Variants in UBE2L3 observed in about 807,000 individuals in gnomAD.
UBE2L3 encodes the protein ubiquitin conjugating enzyme E2 L3, also known as ubiquitin-conjugating enzyme E2 L3.
A neutral mutation model predicts 17.8 loss-of-function variants in UBE2L3; 1 was observed. The ratio of observed to expected loss-of-function variants is 0.06; its 90% CI spans 0.02 to 0.27. The LOEUF is 0.27. Among genes scored for constraint, UBE2L3 ranks in the 10% least tolerant of loss-of-function variants. The probability of loss-of-function intolerance (pLI) is 1.00; values close to 1 mark genes in which losing one functional copy is unlikely to be tolerated. For missense variants in UBE2L3, 40 were observed against 192.6 expected (o/e 0.21, Z 4.69); for synonymous variants, 44 against 68.5 (o/e 0.64, Z 1.76).
intron 3 of UBE2L3, among the ~76,000 whole-genome samples, chr22:21,617,637 A>C (rs1370421288): frequency 6.6e-6 from 1 of 152,142 alleles, no homozygotes; most frequent in East Asian, 1.9e-4. Context: ...TGGGTCATGG[A>C]AGAGACCAAG....
Position 21,623,209 on chromosome 22 carries a change from G to A in UBE2L3, c.*1540G>A, listed in dbSNP as rs1190700146. On this transcript the variant is annotated 3_prime_UTR_variant, in exon 4 of 4. Transcript: ENST00000342192. ...CTTTCCGGGGCCTACAGGCGTGTAA[G>A]ACAGCTTGGTCTGGTCTGTGCAGAA... 2 of 152,342 alleles carry A rather than the reference G, an allele frequency of 1.3e-5. No homozygotes were observed. Among genetic ancestry groups the A allele is most frequent in the African/African-American group, 4.8e-5 (2 of 41,420 alleles). The allele number at this position is 152,342 out of a possible 1,614,324, so 9.4% of individuals were successfully genotyped here. A position where few individuals can be genotyped will look rare whatever the true frequency, so the allele number is the denominator to read the frequency against.
intron 1 of UBE2L3, among the ~76,000 whole-genome samples, chr22:21,576,297 T>G (rs1927290290): frequency 6.6e-6 from 1 of 150,570 alleles, no homozygotes; most frequent in Admixed American, 6.7e-5. Context: ...GCATTTTTGT[T>G]TTTTTTTGTT....
chr22:21,609,185 C>G (rs1371893186), intron 2 of UBE2L3, among the ~76,000 whole-genome samples: 2 of 152,212 alleles, frequency 1.3e-5, no homozygotes, highest in East Asian at 3.9e-4. Context: ...GCGTGAGCCA[C>G]CGCGCCCGGC....
intron 2 of UBE2L3, among the ~76,000 whole-genome samples, chr22:21,603,794 G>A (rs1056741783): frequency 5.4e-5 from 8 of 149,362 alleles, no homozygotes; most frequent in African/African-American, 7.5e-5. Context: ...CCGAGATTGC[G>A]CCACTGCACT....
At chr22:21,567,686 G>T, upstream of UBE2L3, 1 of 1,556,052 alleles carries the variant, frequency 6.4e-7, no homozygotes, top group Non-Finnish European at 8.7e-7. Context: ...AAGTGCGGGG[G>T]CTCCAGCCGC....
chr22:21,612,407 C>G (rs1052305334), intron 3 of UBE2L3, among the ~76,000 whole-genome samples: 1 of 152,222 alleles, frequency 6.6e-6, no homozygotes, highest in Admixed American at 6.5e-5. Context: ...CTCACTGCAA[C>G]CTCCGCCTCC....
At chr22:21,602,363 C>T (rs1019787852) in intron 2 of UBE2L3, among the ~76,000 whole-genome samples, 1 of 152,176 alleles carries the variant, frequency 6.6e-6, no homozygotes, top group African/African-American at 2.4e-5. Flanking sequence ...AAGGACGTGC[C>T]ATGTAGCAGC....
At chr22:21,558,723 C>T (rs1201766285) in intron 1 of UBE2L3, among the ~76,000 whole-genome samples, 9 of 151,610 alleles carry the variant, frequency 5.9e-5, no homozygotes, top group African/African-American at 1.7e-4. Context: ...CTCTTAATCT[C>T]GAGTGATCCT....
chr22:21,581,955 A>G (rs1049228798), intron 1 of UBE2L3, among the ~76,000 whole-genome samples: 3 of 150,380 alleles, frequency 2.0e-5, no homozygotes, highest in Non-Finnish European at 3.0e-5. Context: ...CTACTGAAAA[A>G]AAAAAACAAA....
intron 1 of UBE2L3, among the ~76,000 whole-genome samples, chr22:21,579,737 C>T (rs753087014): frequency 4.6e-5 from 7 of 151,992 alleles, no homozygotes; most frequent in Middle Eastern, 3.2e-3. Flanking sequence ...TGCCACTGCA[C>T]TCCAGCGTCG....
rs79313523 is a variant in UBE2L3, at chr22:21,614,777, T to G, written c.310+3734T>G. 1,949 of 316,652 alleles carry G rather than the reference T, an allele frequency of 6.2e-3. 43 individuals are homozygous for G. Among genetic ancestry groups the G allele is most frequent in the African/African-American group, 0.041 (1,799 of 44,374 alleles). 19.6% of individuals were successfully genotyped at this position (316,652 alleles called of 1,614,324 possible). The stretch of plus-strand genomic sequence containing the variant: ...TGAAAACATATGCCCAATAAAAACT[T>G]GTACACAGATGTTCATAGCACCATT... On this transcript the variant is annotated intron_variant, in intron 3 of 3. Coordinates refer to ENST00000342192, the MANE Select transcript of UBE2L3 (RefSeq NM_003347.4).
intron 1 of UBE2L3, among the ~76,000 whole-genome samples, chr22:21,571,680 G>A (rs1472891678): frequency 1.3e-5 from 2 of 152,182 alleles, no homozygotes; most frequent in Non-Finnish European, 2.9e-5. Context: ...GGGATTACAG[G>A]TGTGAGCCAC....
chr22:21,580,773 T>TGC (rs1927575609), intron 1 of UBE2L3, among the ~76,000 whole-genome samples: 1 of 151,906 alleles, frequency 6.6e-6, no homozygotes, highest in African/African-American at 2.4e-5. Context: ...TTAGTAGAGA[T>TGC]GGAGTTTCAC....
chr22:21,582,449 GT>G (rs1448726614), intron 1 of UBE2L3, among the ~76,000 whole-genome samples: 3 of 151,726 alleles, frequency 2.0e-5, no homozygotes, highest in African/African-American at 7.3e-5. Flanking sequence ...TGCCTCCCAG[GT>G]TCAGGCTGTT....
upstream of UBE2L3, among the ~76,000 whole-genome samples, chr22:21,565,054 G>A (rs1298383163): frequency 6.6e-6 from 1 of 151,972 alleles, no homozygotes; most frequent in African/African-American, 2.4e-5. Flanking sequence ...GGGCTCCCAA[G>A]ATGAGTGTGA....
At chr22:21,559,021 T>C (rs1926338341) in intron 1 of UBE2L3, among the ~76,000 whole-genome samples, 1 of 151,734 alleles carries the variant, frequency 6.6e-6, no homozygotes, top group South Asian at 2.1e-4. Flanking sequence ...ACCAAGCTCC[T>C]ACCCTCTCCC....
chr22:21,616,149 G>A (rs1320371198), intron 3 of UBE2L3, among the ~76,000 whole-genome samples: 1 of 152,144 alleles, frequency 6.6e-6, no homozygotes, highest in Non-Finnish European at 1.5e-5. Context: ...CTAAACCTCT[G>A]TTTCCCTTAG....
chr22:21,595,020 A>G (rs1436522806), intron 2 of UBE2L3, among the ~76,000 whole-genome samples: 1 of 152,216 alleles, frequency 6.6e-6, no homozygotes, highest in African/African-American at 2.4e-5. Context: ...GCTCTGCCCC[A>G]ACTCATGCAA....
At position 21,610,954 on chromosome 22, in the gene UBE2L3, T is replaced by C. The variant is rs567504051; in HGVS notation, c.221T>C (p.Ile74Thr). 1 of 1,613,344 alleles carries C rather than the reference T, an allele frequency of 6.2e-7. No individual in the cohort carries two copies. The highest frequency in any genetic ancestry group is 1.3e-5 in the African/African-American group (1 of 74,816). The change falls in exon 3 of 4, where the codon ATC (isoleucine) becomes ACC (threonine). Residue 74 changes from isoleucine to threonine, a missense_variant. Coordinates refer to ENST00000342192, the MANE Select transcript of UBE2L3 (RefSeq NM_003347.4). ...CCGAAGATCACATTTAAAACAAAGA[T>C]CTATCACCCAAACATCGACGAAAAG... ...KPPKITFKTK[I>T]YHPNIDEKGQ... is the part of the protein sequence containing the mutation.
Sources: gnomAD v4.1 joint callset for allele counts (sites outside exome capture counted in the v4.1 genomes callset) on GRCh38, gnomAD v4.1.1 for gene constraint, MANE v1.5 for transcripts, NCBI Gene and HGNC (gene_info 2026-07-23, HGNC 2026-07-21) for gene names.